BAZ1A: variants seen among roughly 807,000 people sequenced by gnomAD.
BAZ1A encodes bromodomain adjacent to zinc finger domain 1A.
In BAZ1A, 50 loss-of-function variants were observed where a neutral mutation model predicts 185.2. That is an observed-to-expected ratio of 0.27 (90% CI 0.22 to 0.34). The LOEUF (loss-of-function observed/expected upper bound fraction) is 0.34. BAZ1A is among the 10% of genes least tolerant of loss of function. BAZ1A has a pLI of 1.00. For missense variants in BAZ1A, 1,356 were observed against 1,839.9 expected (o/e 0.74, Z 4.81); for synonymous variants, 571 against 615.6 (o/e 0.93, Z 1.07).
At chr14:34,815,829 A>G (rs941006311) in intron 4 of BAZ1A, among the ~76,000 whole-genome samples, 1 of 152,166 alleles carries the variant, frequency 6.6e-6, no homozygotes. Context: ...CTATTCTACA[A>G]TGACAACCCA....
rs750151045 is a variant in BAZ1A at position 34,773,602 on chromosome 14, T to A, written c.3122A>T (p.Asp1041Val). 1.9e-6 allele frequency: 3 copies of A among 1,610,772 alleles called. No individual in the cohort carries two copies. The highest frequency in any genetic ancestry group is 2.5e-6 in the Non-Finnish European group (3 of 1,178,924). ...VNEDVEEMEI[D>V]EQTKVIVKDR... is the part of the protein sequence containing the mutation. ...TTTTACTATGACCTTTGTTTGTTCA[T>A]CAATTTCCATCTCTTCTACGTCTTC... Residue 1041 changes from aspartate (D) to valine (V), a missense_variant, in exon 20 of 27, where the codon GAT (aspartate) becomes GTT (valine). Asp to Val is a radical substitution (Grantham distance 152, BLOSUM62 -3). Coordinates refer to ENST00000360310, the MANE Select transcript of BAZ1A (RefSeq NM_013448.3).
At chr14:34,755,466 C>A (rs1340720514) in intron 25 of BAZ1A, among the ~76,000 whole-genome samples, 1 of 152,112 alleles carries the variant, frequency 6.6e-6, no homozygotes, top group African/African-American at 2.4e-5. Flanking sequence ...CACCATTCAC[C>A]ATATTCTCAT....
At chr14:34,757,179 AC>A (rs1291888888) in intron 25 of BAZ1A, among the ~76,000 whole-genome samples, 24 of 152,226 alleles carry the variant, frequency 1.6e-4, no homozygotes, top group African/African-American at 2.6e-4. Flanking sequence ...AGCCTGGCCA[AC>A]ATGGTGAAAC....
chr14:34,861,547 C>G (rs2042769125), intron 3 of BAZ1A, among the ~76,000 whole-genome samples: 1 of 151,922 alleles, frequency 6.6e-6, no homozygotes, highest in African/African-American at 2.4e-5. Context: ...AACACTAAAA[C>G]CAATAAATAA....
rs59909304 is a variant in BAZ1A at position 34,859,081 on chromosome 14, C to T, written c.392+2963G>A. Reference sequence around the variant, plus strand: ...TATAGCAGCAAGACTGGTACAGGTACATCCCTTTAAAAGGTAAATTATGTT... The same window carrying T: ...TATAGCAGCAAGACTGGTACAGGTATATCCCTTTAAAAGGTAAATTATGTT... On this transcript the variant is annotated intron_variant, in intron 3 of 26. Coordinates refer to ENST00000360310, the MANE Select transcript of BAZ1A (RefSeq NM_013448.3). Among the ~76,000 whole-genome samples, 215 of 152,276 alleles carry T rather than the reference C, an allele frequency of 1.4e-3. 1 individual carries two copies. The highest frequency in any genetic ancestry group is 5.1e-3 in the African/African-American group (211 of 41,570).
chr14:34,783,220 C>T lies in BAZ1A; in HGVS notation c.2010G>A (p.Arg670=). 3 of 1,586,208 alleles carry T rather than the reference C, an allele frequency of 1.9e-6. No individual in the cohort carries two copies. The highest frequency in any genetic ancestry group is 2.6e-6 in the Non-Finnish European group (3 of 1,159,844). Residue 670 remains arginine, a synonymous_variant, in exon 16 of 27, where the codon AGG becomes AGA. Coordinates refer to ENST00000360310, the MANE Select transcript of BAZ1A (RefSeq NM_013448.3). Reference sequence around the variant, plus strand: ...CTTGCTCCTTAAGTTTTTCTTCCTTCCTTTTACGAATTCTAAAAGTTAAAA... The same window carrying T: ...CTTGCTCCTTAAGTTTTTCTTCCTTTCTTTTACGAATTCTAAAAGTTAAAA... ...REEAAARIRK[R]KEEKLKEQEQ...
intron 12 of BAZ1A, among the ~76,000 whole-genome samples, chr14:34,791,118 G>A (rs1880813100): frequency 7.0e-6 from 1 of 143,840 alleles, no homozygotes; most frequent in South Asian, 2.3e-4. Flanking sequence ...GCGAAACTCT[G>A]TCTCAAAAAA....
chr14:34,815,782 GTTTCT>G (rs1052228348), intron 4 of BAZ1A, among the ~76,000 whole-genome samples: 5 of 152,104 alleles, frequency 3.3e-5, no homozygotes, highest in African/African-American at 1.2e-4. Context: ...CAACATAAAG[GTTTCT>G]TTTAAGAGAA....
chr14:34,834,986 A>T (rs1238833910), intron 3 of BAZ1A, among the ~76,000 whole-genome samples: 2 of 150,362 alleles, frequency 1.3e-5, no homozygotes, highest in East Asian at 3.8e-4. Context: ...TAATTTACAT[A>T]TATGTCTCTC....
intron 25 of BAZ1A, 46 bp from the exon 26 acceptor site, chr14:34,754,960 G>T: frequency 4.3e-6 from 6 of 1,405,958 alleles, no homozygotes; most frequent in Non-Finnish European, 5.9e-6. Context: ...AAACTTAACT[G>T]GAAAGAAGTG....
At chr14:34,756,733 G>A (rs2138524433) in intron 25 of BAZ1A, among the ~76,000 whole-genome samples, 1 of 151,918 alleles carries the variant, frequency 6.6e-6, no homozygotes, top group South Asian at 2.1e-4. Context: ...CCAAAGTGTT[G>A]GGATTACAGG....
chr14:34,771,337 G>C, intron 21 of BAZ1A, 174 bp downstream of exon 21: 1 of 672,650 alleles, frequency 1.5e-6, no homozygotes, highest in Non-Finnish European at 2.5e-6. Flanking sequence ...ACAAAAGACT[G>C]TATTATTCTA....
At chr14:34,782,422 TTTTTC>T (rs1316818942) in intron 16 of BAZ1A, among the ~76,000 whole-genome samples, 1 of 152,202 alleles carries the variant, frequency 6.6e-6, no homozygotes, top group Non-Finnish European at 1.5e-5. Context: ...TTTAAGATTT[TTTTTC>T]TTTTAATTAT....
intron 17 of BAZ1A, among the ~76,000 whole-genome samples, chr14:34,777,329 T>C (rs1381626120): frequency 1.3e-5 from 2 of 152,236 alleles, no homozygotes; most frequent in African/African-American, 4.8e-5. Context: ...AGTATCATTC[T>C]TCTTTTTTCC....
At chr14:34,824,814 C>T (rs966077890) in intron 4 of BAZ1A, among the ~76,000 whole-genome samples, 7 of 152,118 alleles carry the variant, frequency 4.6e-5, no homozygotes, top group Non-Finnish European at 7.4e-5. Flanking sequence ...CATTATGGTA[C>T]TGTTCACTAA....
rs1881657494 is a variant in BAZ1A, at chr14:34,803,095, G to A, written c.727-107C>T. 4.1e-6 allele frequency: 5 copies of A among 1,226,756 alleles called. No individual in the cohort carries two copies. The South Asian group carries it at 7.0e-5, about 17-fold the overall frequency. The allele number at this position is 1,226,756 out of a possible 1,614,324, so 76.0% of individuals were successfully genotyped here. ...ACTATTAATGCTGTTAAAAGATCAG[G>A]ATAGGCTGGGCACAGTGGCTCATGC... On this transcript the variant is annotated intron_variant, in intron 6 of 26. Transcript: ENST00000360310.
chr14:34,801,425 G>A (rs566825471), intron 7 of BAZ1A, among the ~76,000 whole-genome samples: 2 of 151,442 alleles, frequency 1.3e-5, no homozygotes, highest in African/African-American at 4.8e-5. Flanking sequence ...TCGAGTAGCT[G>A]GGATTACAGG....
chr14:34,844,777 GCA>G (rs4007479), intron 3 of BAZ1A, among the ~76,000 whole-genome samples: 4,263 of 86,760 alleles, frequency 0.049, 83 homozygotes, highest in East Asian at 0.096. Context: ...ACACACACGC[GCA>G]CACACACACA....
At chr14:34,756,115 C>CTTTTTTTTTTTTTTTTTTT in intron 25 of BAZ1A, among the ~76,000 whole-genome samples, 1 of 127,400 alleles carries the variant, frequency 7.8e-6, no homozygotes, top group Admixed American at 8.2e-5. Context: ...TGGTTTTTTT[C>CTTTTTTTTTTTTTTTTTTT]TTTTTTTTTT....
Sources: allele counts gnomAD v4.1 joint callset (sites outside exome capture counted in the v4.1 genomes callset), GRCh38; gene constraint gnomAD v4.1.1; transcripts MANE v1.5; gene names NCBI Gene and HGNC (gene_info 2026-07-23, HGNC 2026-07-21).